ETF1: variants seen among roughly 807,000 people sequenced by gnomAD.
The protein encoded by ETF1 is eukaryotic peptide chain release factor subunit 1.
Under a neutral mutation model 55.1 loss-of-function variants are expected in ETF1, and 4 were observed. The observed-to-expected ratio is 0.07, with a 90% CI of 0.04 to 0.17. The LOEUF (loss-of-function observed/expected upper bound fraction) is 0.17. Among genes scored for constraint, ETF1 ranks in the 10% least tolerant of loss-of-function variants. The pLI is 1.00. For synonymous variants in ETF1, 157 were observed against 182.3 expected (o/e 0.86, Z 1.12); for missense variants, 142 against 523.6 (o/e 0.27, Z 7.11).
At chr5:138,514,553 A>C (rs1005689428) in intron 4 of ETF1, among the ~76,000 whole-genome samples, 5 of 151,556 alleles carry the variant, frequency 3.3e-5, no homozygotes, top group Admixed American at 3.3e-4. Flanking sequence ...AAAACAAAAA[A>C]ACTTTAACTT....
At chr5:138,510,204 A>C (rs1436147897) in intron 9 of ETF1, among the ~76,000 whole-genome samples, 1 of 151,598 alleles carries the variant, frequency 6.6e-6, no homozygotes, top group African/African-American at 2.4e-5. Context: ...CAAAAAATTC[A>C]AAAATTAGTT....
rs1764607095 is a variant in ETF1, at chr5:138,507,679, T to G, written c.*626A>C. 6.5e-6 allele frequency: 1 copy of G among 152,738 alleles called. No individual in the cohort carries two copies. 9.5% of individuals were successfully genotyped at this position (152,738 alleles called of 1,614,324 possible). On this transcript the variant is annotated 3_prime_UTR_variant, in exon 11 of 11. Transcript: ENST00000360541. ...GATTTTGCAATGCAATTTGCATCCT[T>G]GAAACTGCCAGTCTGGAGGGGGACG...
intron 8 of ETF1, 98 bp downstream of exon 8, chr5:138,510,947 C>T: frequency 6.5e-7 from 1 of 1,534,908 alleles, no homozygotes; most frequent in East Asian, 2.3e-5. Context: ...GTAGATCTAC[C>T]TTCTGATTGC....
intron 2 of ETF1, chr5:138,541,395 G>A: frequency 1.5e-6 from 1 of 649,318 alleles, no homozygotes; most frequent in Non-Finnish European, 2.7e-6. Flanking sequence ...TTAAACTAAC[G>A]TTTCTCCAGT....
chr5:138,535,829 C>G (rs1164935675), intron 2 of ETF1, among the ~76,000 whole-genome samples: 3 of 134,830 alleles, frequency 2.2e-5, no homozygotes, highest in Non-Finnish European at 3.1e-5. Context: ...AAGCTGAGAT[C>G]GCACCACTGC....
chr5:138,512,824 T>G lies in ETF1; in HGVS notation c.672A>C (p.Leu224=). The G allele has an allele frequency of 6.2e-7, 1 of 1,602,834 alleles. No homozygotes were observed. The highest frequency in any genetic ancestry group is 8.5e-7 in the Non-Finnish European group (1 of 1,176,306). The change falls in exon 6 of 11, where the codon CTA becomes CTC. Residue 224 remains leucine, a synonymous_variant. Coordinates refer to ENST00000360541, the MANE Select transcript of ETF1 (RefSeq NM_004730.4). ...ISGDKVNVAG[L]VLAGSADFKT... ...TAAAGTCAGCGGATCCAGCTAAAAC[T>G]AGACCAGCCACATTCACTTTGTCCC...
chr5:138,513,916 T>C (rs190945922), intron 4 of ETF1: 51 of 872,170 alleles, frequency 5.8e-5, no homozygotes, highest in East Asian at 1.2e-4. Context: ...TAACGAATGA[T>C]ATCTATGTGA....
intron 2 of ETF1, among the ~76,000 whole-genome samples, chr5:138,527,456 A>G (rs1765521099): frequency 6.6e-6 from 1 of 152,252 alleles, no homozygotes; most frequent in Non-Finnish European, 1.5e-5. Flanking sequence ...AACACTTGCT[A>G]GGCTTCTAAA....
At position 138,509,077 on chromosome 5, in the gene ETF1, A is replaced by G. The variant is rs1048781879; in HGVS notation, c.1084-261T>C. The G allele has an allele frequency of 5.1e-6, 5 of 985,110 alleles. No homozygotes were observed. The African/African-American group carries it at 7.0e-5, about 14-fold the overall frequency. The allele number at this position is 985,110 out of a possible 1,614,324, so 61.0% of individuals were successfully genotyped here. On this transcript the variant is annotated intron_variant, in intron 9 of 10. Coordinates refer to ENST00000360541, the MANE Select transcript of ETF1 (RefSeq NM_004730.4). ...CAACACAAAAACTCAGTGGGTATTC[A>G]GCTTATGATTCCTACTGTTGACTCT...
At chr5:138,518,591 C>T (rs549485226) in intron 3 of ETF1, 101 bp downstream of exon 3, 246 of 990,032 alleles carry the variant, frequency 2.5e-4, no homozygotes, top group Non-Finnish European at 3.0e-4. Context: ...TGATGACAGC[C>T]GACTTAAGGG....
At chr5:138,530,452 A>G (rs1765652428) in intron 2 of ETF1, among the ~76,000 whole-genome samples, 1 of 151,310 alleles carries the variant, frequency 6.6e-6, no homozygotes, top group Non-Finnish European at 1.5e-5. Flanking sequence ...TAATTGTTGT[A>G]TTTTTAGTAG....
chr5:138,515,162 GCTC>G (rs1764967695), intron 4 of ETF1, among the ~76,000 whole-genome samples: 1 of 152,324 alleles, frequency 6.6e-6, no homozygotes, highest in East Asian at 1.9e-4. Flanking sequence ...GGGCGTGGTG[GCTC>G]ATGCCTGCAA....
At chr5:138,516,223 A>G (rs931722321) in intron 4 of ETF1, among the ~76,000 whole-genome samples, 1 of 152,244 alleles carries the variant, frequency 6.6e-6, no homozygotes, top group African/African-American at 2.4e-5. Flanking sequence ...TAACTCAAAG[A>G]GTATAACTGG....
At chr5:138,535,577 C>T (rs945912436) in intron 2 of ETF1, among the ~76,000 whole-genome samples, 8 of 151,312 alleles carry the variant, frequency 5.3e-5, no homozygotes, top group Non-Finnish European at 7.4e-5. Flanking sequence ...AAAAATTAGC[C>T]GGCTGTGGTG....
At position 138,543,182 on chromosome 5, in the gene ETF1, T is replaced by C; in HGVS notation, c.-104A>G. 1.8e-6 allele frequency: 1 copy of C among 562,810 alleles called. No homozygotes were observed. Among genetic ancestry groups the C allele is most frequent in the Admixed American group, 3.3e-5 (1 of 30,718 alleles). 34.9% of individuals were successfully genotyped at this position (562,810 alleles called of 1,614,324 possible). The stretch of plus-strand genomic sequence containing the variant: ...GGCGGCTCTGACGTAGGACACCGGC[T>C]CCCTCTCTCCAGGCAGCTGCATGTG... On this transcript the variant is annotated 5_prime_UTR_variant, in exon 1 of 11. Coordinates refer to ENST00000360541, the MANE Select transcript of ETF1 (RefSeq NM_004730.4).
At chr5:138,539,473 C>G (rs925201948) in intron 2 of ETF1, among the ~76,000 whole-genome samples, 3 of 152,078 alleles carry the variant, frequency 2.0e-5, no homozygotes, top group Non-Finnish European at 4.4e-5. Context: ...GAGCATATAC[C>G]AGGAGCAATC....
At chr5:138,514,382 T>C (rs1039160521) in intron 4 of ETF1, among the ~76,000 whole-genome samples, 1 of 152,032 alleles carries the variant, frequency 6.6e-6, no homozygotes, top group Middle Eastern at 3.2e-3. Flanking sequence ...AGCGAAACAC[T>C]GTCTCTACAA....
chr5:138,534,468 T>C (rs1765832416), intron 2 of ETF1, among the ~76,000 whole-genome samples: 1 of 152,254 alleles, frequency 6.6e-6, no homozygotes, highest in Non-Finnish European at 1.5e-5. Flanking sequence ...ACTTAGATCT[T>C]TCTAATATAC....
chr5:138,510,135 T>C (rs1011855738), intron 9 of ETF1, among the ~76,000 whole-genome samples: 1 of 150,670 alleles, frequency 6.6e-6, no homozygotes, highest in Non-Finnish European at 1.5e-5. Context: ...GGTAAGTGGA[T>C]TGCTTGAGCT....
Sources: allele counts gnomAD v4.1 joint callset (sites outside exome capture counted in the v4.1 genomes callset), GRCh38; gene constraint gnomAD v4.1.1; transcripts MANE v1.5; gene names NCBI Gene and HGNC (gene_info 2026-07-23, HGNC 2026-07-21).